Variants in RNF115 observed in about 807,000 individuals in gnomAD.
RNF115 encodes the protein ring finger protein 115, also known as E3 ubiquitin-protein ligase RNF115.
RNF115 carries 31 observed loss-of-function variants against 39.2 expected under a neutral mutation model. That is an observed-to-expected ratio of 0.79 (90% CI 0.59 to 1.07). The LOEUF is 1.07. Among genes scored for constraint, RNF115 ranks in the 50% least tolerant of loss-of-function variants. The pLI is 0.00. For missense variants in RNF115, 384 were observed against 381.7 expected, an observed-to-expected ratio of 1.01 and a Z score of -0.05; for synonymous variants, 124 against 131.0, an observed-to-expected ratio of 0.95 and a Z score of 0.37.
chr1:145,811,932 T>TATATATATATATAC (rs1465945929), intron 1 of RNF115, among the ~76,000 whole-genome samples: 10 of 74,662 alleles, frequency 1.3e-4, no homozygotes, highest in East Asian at 2.9e-4. Flanking sequence ...TATATATATA[T>TATATATATATATAC]ACACACACAC....
In RNF115 at chr1:145,751,465, C is replaced by G; in HGVS notation, c.546G>C (p.Gln182His). Reference sequence around the variant, plus strand: ...GGGTTACAATGGCATCAAGCCCTGTCTGACCCCAGGCATAGTCCCCAGGGT... The same window carrying G: ...GGGTTACAATGGCATCAAGCCCTGTGTGACCCCAGGCATAGTCCCCAGGGT... ...HSNPGDYAWGQTGLDAIVTQL... is the reference protein window; with the variant it reads ...HSNPGDYAWGHTGLDAIVTQL... Residue 182 changes from glutamine (Q) to histidine (H), a missense_variant, in exon 6 of 9, where the codon CAG (glutamine) becomes CAC (histidine). Transcript: ENST00000582693. The G allele has an allele frequency of 1.3e-6, 2 of 1,593,876 alleles. No individual in the cohort carries two copies. Among genetic ancestry groups the G allele is most frequent in the Non-Finnish European group, 1.7e-6 (2 of 1,169,688 alleles).
At chr1:145,775,155 G>A (rs12239897) in intron 3 of RNF115, among the ~76,000 whole-genome samples, 2 of 152,136 alleles carry the variant, frequency 1.3e-5, no homozygotes, top group African/African-American at 4.8e-5. Flanking sequence ...GCTGAGTGGG[G>A]AGGATCACTT....
intron 1 of RNF115, among the ~76,000 whole-genome samples, chr1:145,810,869 A>T (rs1461427675): frequency 2.7e-5 from 4 of 148,734 alleles, no homozygotes; most frequent in East Asian, 2.0e-4. Flanking sequence ...TTATTTATTT[A>T]TTTATTTTTT....
At chr1:145,801,729 C>T (rs782619900) in intron 1 of RNF115, among the ~76,000 whole-genome samples, 2 of 152,006 alleles carry the variant, frequency 1.3e-5, no homozygotes, top group Non-Finnish European at 2.9e-5. Flanking sequence ...AAATCTTACC[C>T]CTCAGTAACT....
intron 1 of RNF115, among the ~76,000 whole-genome samples, chr1:145,815,118 A>T (rs1423945917): frequency 1.3e-5 from 2 of 152,300 alleles, no homozygotes; most frequent in Admixed American, 1.3e-4. Context: ...AGCTACTTTT[A>T]TTATGGGTGG....
At chr1:145,778,275 T>A (rs895579161) in intron 3 of RNF115, among the ~76,000 whole-genome samples, 1 of 152,174 alleles carries the variant, frequency 6.6e-6, no homozygotes, top group Non-Finnish European at 1.5e-5. Context: ...ATATCCTATA[T>A]AGGCAAATCC....
At chr1:145,789,102 GT>G (rs797033513) in intron 1 of RNF115, 136 bp from the exon 2 acceptor site, 2,362 of 477,964 alleles carry the variant, frequency 4.9e-3, no homozygotes, top group Non-Finnish European at 5.5e-3. Context: ...AGTAGTTTTT[GT>G]TTTTTTTTTT....
intron 1 of RNF115, among the ~76,000 whole-genome samples, chr1:145,811,355 CAAAAAAA>C (rs71829191): frequency 0.017 from 1,034 of 60,456 alleles, 8 homozygotes; most frequent in East Asian, 0.041. Flanking sequence ...CCATCACTAC[CAAAAAAA>C]AAAAAAAAAA....
chr1:145,794,573 G>A (rs1236881475), intron 1 of RNF115, among the ~76,000 whole-genome samples: 3 of 142,156 alleles, frequency 2.1e-5, no homozygotes, highest in Non-Finnish European at 3.0e-5. Flanking sequence ...GCAGTGGTGC[G>A]ATCTCCTATT....
intron 4 of RNF115, among the ~76,000 whole-genome samples, chr1:145,756,751 T>C (rs1553713212): frequency 6.7e-6 from 1 of 149,348 alleles, no homozygotes; most frequent in Admixed American, 6.7e-5. Flanking sequence ...GATTTGTAGA[T>C]GTATGCCCCC....
At chr1:145,770,460 A>G (rs1214155323) in intron 4 of RNF115, among the ~76,000 whole-genome samples, 1 of 152,204 alleles carries the variant, frequency 6.6e-6, no homozygotes, top group Non-Finnish European at 1.5e-5. Flanking sequence ...AGTATTAGCT[A>G]CATGTGGCCA....
intron 8 of RNF115, 145 bp downstream of exon 8, chr1:145,747,850 T>A (rs1191831021): frequency 1.6e-6 from 1 of 612,628 alleles, no homozygotes; most frequent in African/African-American, 1.8e-5. Context: ...CAACCCTTGG[T>A]CAGAAAAGTT....
chr1:145,788,641 A>G (rs1648497055), intron 2 of RNF115: 1 of 588,312 alleles, frequency 1.7e-6, no homozygotes, highest in Non-Finnish European at 3.2e-6. Flanking sequence ...GTACAGATGT[A>G]CATGGAATGC....
chr1:145,740,076 A>G lies in RNF115; in HGVS notation c.*6790T>C, dbSNP rs1245731780. On this transcript the variant is annotated 3_prime_UTR_variant, in exon 9 of 9. Transcript: ENST00000582693. ...ATCACATTCATCTTAATCTTTCTCTACCTGTTTTAAATAGTTAGTTCTGTG... is the reference window on the plus strand; with the variant it reads ...ATCACATTCATCTTAATCTTTCTCTGCCTGTTTTAAATAGTTAGTTCTGTG... The G allele has an allele frequency of 2.0e-5, 3 of 152,130 alleles. No homozygotes were observed. The highest frequency in any genetic ancestry group is 7.2e-5 in the African/African-American group (3 of 41,418). 9.4% of individuals were successfully genotyped at this position (152,130 alleles called of 1,614,324 possible). A position where few individuals can be genotyped will look rare whatever the true frequency, so the allele number is the denominator to read the frequency against.
intron 4 of RNF115, among the ~76,000 whole-genome samples, chr1:145,766,255 A>C (rs1415648626): frequency 2.0e-5 from 3 of 152,152 alleles, no homozygotes; most frequent in South Asian, 4.1e-4. Flanking sequence ...CACCGCCCTT[A>C]ATCCATTTAA....
intron 1 of RNF115, among the ~76,000 whole-genome samples, chr1:145,809,183 AT>A (rs71077279): frequency 3.2e-3 from 431 of 134,024 alleles, no homozygotes; most frequent in African/African-American, 9.4e-3. Context: ...GTTTTCAAGG[AT>A]TTTTTTTTTT....
intron 4 of RNF115, among the ~76,000 whole-genome samples, chr1:145,765,240 TC>T (rs1253177279): frequency 3.9e-5 from 6 of 152,078 alleles, no homozygotes; most frequent in African/African-American, 1.4e-4. Flanking sequence ...TTAAGAGTCA[TC>T]ACCACTCCCT....
rs587649424 is a variant in RNF115, at chr1:145,766,545, G to A, written c.428+5166C>T. Among the ~76,000 whole-genome samples the A allele has an allele frequency of 2.6e-5, 4 of 151,384 alleles. No individual in the cohort carries two copies. In the South Asian group the frequency reaches 8.3e-4, roughly 32 times the overall value. ...AGACGGGGTGGTGGCCGGGCAGAGG[G>A]GCTCCTCACTTCCCAGTAGGGGCGG... On this transcript the variant is annotated intron_variant, in intron 4 of 8. Coordinates refer to ENST00000582693, the MANE Select transcript of RNF115 (RefSeq NM_014455.4).
At chr1:145,814,763 T>C (rs587717938) in intron 1 of RNF115, among the ~76,000 whole-genome samples, 16 of 152,242 alleles carry the variant, frequency 1.1e-4, no homozygotes, top group African/African-American at 3.9e-4. Context: ...TATTTATCAG[T>C]AGAATTACAA....
Sources: allele counts gnomAD v4.1 joint callset (sites outside exome capture counted in the v4.1 genomes callset), GRCh38; gene constraint gnomAD v4.1.1; transcripts MANE v1.5; gene names NCBI Gene and HGNC (gene_info 2026-07-23, HGNC 2026-07-21).